The following GRM8 variants were observed in gnomAD, a reference collection of about 807,000 sequenced individuals.
GRM8 encodes metabotropic glutamate receptor 8.
In GRM8, 47 loss-of-function variants were observed where a neutral mutation model predicts 87.2. That is an observed-to-expected ratio of 0.54 (90% CI 0.43 to 0.69). The LOEUF (loss-of-function observed/expected upper bound fraction) is 0.69, where lower values mean the gene tolerates loss of function less well. Among genes scored for constraint, GRM8 ranks in the 30% least tolerant of loss-of-function variants. GRM8 has a pLI of 0.00. For synonymous variants in GRM8, 396 were observed against 404.5 expected (o/e 0.98, Z 0.25); for missense variants, 1,019 against 1,139.2 (o/e 0.89, Z 1.52).
At chr7:126,528,718 G>T (rs1007953383) in intron 9 of GRM8, among the ~76,000 whole-genome samples, 3 of 151,482 alleles carry the variant, frequency 2.0e-5, no homozygotes, top group Admixed American at 1.3e-4. Flanking sequence ...GTCTTCTCTA[G>T]TTCGAGAACA....
intron 3 of GRM8, among the ~76,000 whole-genome samples, chr7:126,939,545 G>A (rs890864559): frequency 1.2e-4 from 19 of 152,158 alleles, no homozygotes; most frequent in African/African-American, 4.1e-4. Flanking sequence ...AATGGATGAC[G>A]GAAACTTTAT....
chr7:127,228,123 A>ATT (rs576027303), intron 2 of GRM8, among the ~76,000 whole-genome samples: 2 of 152,240 alleles, frequency 1.3e-5, no homozygotes, highest in Non-Finnish European at 2.9e-5. Context: ...TACCATCTAA[A>ATT]AGGCAGTAAA....
chr7:126,831,698 C>T (rs1795396636), intron 6 of GRM8, among the ~76,000 whole-genome samples: 1 of 152,110 alleles, frequency 6.6e-6, no homozygotes, highest in Non-Finnish European at 1.5e-5. Flanking sequence ...GCACAGTGCG[C>T]TGCACCCACT....
chr7:126,629,166 A>T (rs1206140856), intron 7 of GRM8, among the ~76,000 whole-genome samples: 1 of 152,208 alleles, frequency 6.6e-6, no homozygotes, highest in Non-Finnish European at 1.5e-5. Flanking sequence ...ATGAACCCAG[A>T]CAAAATAGGT....
intron 6 of GRM8, among the ~76,000 whole-genome samples, chr7:126,788,019 A>G (rs1381937578): frequency 6.6e-6 from 1 of 152,194 alleles, no homozygotes; most frequent in Non-Finnish European, 1.5e-5. Flanking sequence ...ATTTGAAAGT[A>G]CCACATTAAA....
At chr7:126,894,841 A>G (rs1801394628) in intron 6 of GRM8, among the ~76,000 whole-genome samples, 1 of 152,094 alleles carries the variant, frequency 6.6e-6, no homozygotes, top group Admixed American at 6.6e-5. Context: ...GCTTTAGACA[A>G]CCAACTTGAC....
intron 3 of GRM8, among the ~76,000 whole-genome samples, chr7:127,045,352 C>T (rs1477335916): frequency 2.0e-5 from 3 of 150,198 alleles, no homozygotes; most frequent in African/African-American, 7.4e-5. Context: ...TTTGATCTAT[C>T]ATATATCCCA....
chr7:127,076,833 C>T (rs981097709), intron 3 of GRM8, among the ~76,000 whole-genome samples: 6 of 152,214 alleles, frequency 3.9e-5, no homozygotes, highest in Non-Finnish European at 5.9e-5. Flanking sequence ...ACAGAAGTCA[C>T]GTCAGTTATG....
intron 3 of GRM8, among the ~76,000 whole-genome samples, chr7:126,988,263 C>A (rs185364234): frequency 6.6e-6 from 1 of 152,308 alleles, no homozygotes; most frequent in African/African-American, 2.4e-5. Context: ...AAGAACTTGT[C>A]AGTTAAACAG....
chr7:127,117,907 G>T (rs575697512), intron 2 of GRM8, among the ~76,000 whole-genome samples: 4 of 152,178 alleles, frequency 2.6e-5, no homozygotes, highest in Non-Finnish European at 5.9e-5. Flanking sequence ...GCAAATATTC[G>T]ATTTAGACTG....
intron 1 of GRM8, among the ~76,000 whole-genome samples, chr7:127,251,550 C>G (rs937130444): frequency 6.6e-6 from 1 of 152,080 alleles, no homozygotes; most frequent in African/African-American, 2.4e-5. Context: ...CTTCTCAGTT[C>G]CTTGGGCTGT....
chr7:126,946,856 A>T (rs1807591394), intron 3 of GRM8, among the ~76,000 whole-genome samples: 1 of 152,372 alleles, frequency 6.6e-6, no homozygotes, highest in Middle Eastern at 3.4e-3. Flanking sequence ...AGTGGAAAAC[A>T]GGTCCATCCA....
intron 3 of GRM8, among the ~76,000 whole-genome samples, chr7:127,087,729 A>C (rs1823656080): frequency 6.6e-6 from 1 of 152,264 alleles, no homozygotes; most frequent in Admixed American, 6.5e-5. Flanking sequence ...CTTAAAAATT[A>C]GTTAAGAATA....
intron 6 of GRM8, among the ~76,000 whole-genome samples, chr7:126,841,171 C>A (rs1796241268): frequency 6.6e-6 from 1 of 152,214 alleles, no homozygotes; most frequent in South Asian, 2.1e-4. Flanking sequence ...CTTATAATAA[C>A]AACAACCATC....
intron 8 of GRM8, among the ~76,000 whole-genome samples, chr7:126,553,644 ATTAAGAATATCACATGGTAG>A (rs1020850689): frequency 1.2e-4 from 18 of 152,150 alleles, no homozygotes; most frequent in Non-Finnish European, 5.9e-5. Context: ...TTTTGAATAT[ATTAAGAATATCACATGGTAG>A]TAATCTGAAC....
At chr7:126,904,463 G>T in intron 4 of GRM8, 85 bp downstream of exon 4, 1 of 1,312,078 alleles carries the variant, frequency 7.6e-7, no homozygotes, top group Non-Finnish European at 1.1e-6. Flanking sequence ...GCAATTACAA[G>T]CTTTTATGTT....
intron 3 of GRM8, among the ~76,000 whole-genome samples, chr7:126,958,213 A>T (rs2131660230): frequency 6.6e-6 from 1 of 152,298 alleles, no homozygotes; most frequent in South Asian, 2.1e-4. Flanking sequence ...ATGTGGGACA[A>T]GAACTCAGGA....
intron 7 of GRM8, among the ~76,000 whole-genome samples, chr7:126,721,685 C>A (rs1334532447): frequency 6.6e-6 from 1 of 151,976 alleles, no homozygotes; most frequent in South Asian, 2.1e-4. Context: ...ATTGTTGATT[C>A]GCTTTCATTT....
At chr7:126,766,419 C>G (rs1818196076) in intron 7 of GRM8, among the ~76,000 whole-genome samples, 1 of 152,060 alleles carries the variant, frequency 6.6e-6, no homozygotes, top group Non-Finnish European at 1.5e-5. Flanking sequence ...AATTTAACAA[C>G]AATTTTATCT....
Sources: gnomAD v4.1 joint callset for allele counts (sites outside exome capture counted in the v4.1 genomes callset) on GRCh38, gnomAD v4.1.1 for gene constraint, MANE v1.5 for transcripts, NCBI Gene and HGNC (gene_info 2026-07-23, HGNC 2026-07-21) for gene names.